DIAPH3: variants seen among roughly 807,000 people sequenced by gnomAD.
The protein encoded by DIAPH3 is protein diaphanous homolog 3.
A neutral mutation model predicts 144.3 loss-of-function variants in DIAPH3; 117 were observed. That is an observed-to-expected ratio of 0.81 (90% confidence interval 0.70 to 0.95). The LOEUF is 0.95. Among genes scored for constraint, DIAPH3 ranks in the 40% least tolerant of loss-of-function variants. The pLI, the probability that DIAPH3 is intolerant of heterozygous loss-of-function variation, is 0.00. For missense variants in DIAPH3, 1,421 were observed against 1,412.7 expected, an observed-to-expected ratio of 1.01 and a Z score of -0.09; for synonymous variants, 519 against 488.9, an observed-to-expected ratio of 1.06 and a Z score of -0.81.
chr13:59,919,056 C>G (rs1267794179), intron 18 of DIAPH3, among the ~76,000 whole-genome samples: 1 of 149,794 alleles, frequency 6.7e-6, no homozygotes, highest in East Asian at 2.0e-4. Context: ...TAGAGAGCAT[C>G]AACTGTACAA....
chr13:59,817,176 AT>A (rs1380978956), intron 24 of DIAPH3, among the ~76,000 whole-genome samples: 4 of 151,828 alleles, frequency 2.6e-5, no homozygotes, highest in Non-Finnish European at 4.4e-5. Context: ...AAAAATGTGT[AT>A]TCTTTAATTA....
At chr13:59,888,087 A>G (rs1012732306) in intron 20 of DIAPH3, among the ~76,000 whole-genome samples, 2 of 152,104 alleles carry the variant, frequency 1.3e-5, no homozygotes, top group African/African-American at 4.8e-5. Flanking sequence ...CCCCACTGCT[A>G]TGTTTGAGTG....
intron 27 of DIAPH3, among the ~76,000 whole-genome samples, chr13:59,754,300 G>A (rs1291245438): frequency 6.6e-6 from 1 of 152,128 alleles, no homozygotes; most frequent in South Asian, 2.1e-4. Context: ...TCAGCTTTAC[G>A]ATTTTGGGCA....
chr13:59,811,354 A>G (rs753851800), intron 24 of DIAPH3, among the ~76,000 whole-genome samples: 7 of 152,212 alleles, frequency 4.6e-5, no homozygotes, highest in African/African-American at 7.2e-5. Flanking sequence ...AAGACATAAT[A>G]AAAGAAGTGA....
Position 59,861,546 on chromosome 13 carries a change from ACAGGAGG to A in DIAPH3, c.2608-17_2608-11del. The A allele has an allele frequency of 6.2e-7, 1 of 1,613,410 alleles. No homozygotes were observed. The highest frequency in any genetic ancestry group is 8.5e-7 in the Non-Finnish European group (1 of 1,179,572). On this transcript the variant is annotated splice_polypyrimidine_tract_variant and intron_variant, in intron 21 of 27. Coordinates refer to ENST00000400324, the MANE Select transcript of DIAPH3 (RefSeq NM_001042517.2). ...ATTTTGTGTCCTTTAGCTAAATAGAACAGGAGGGAGAAAAAACACAGAGTCATAAGTA... is the reference window on the plus strand; with the variant it reads ...ATTTTGTGTCCTTTAGCTAAATAGAAGAGAAAAAACACAGAGTCATAAGTA...
intron 20 of DIAPH3, among the ~76,000 whole-genome samples, chr13:59,893,554 T>C (rs2045928448): frequency 1.3e-5 from 2 of 151,806 alleles, no homozygotes; most frequent in African/African-American, 4.8e-5. Flanking sequence ...CTGAATGCAA[T>C]TCCAGCCAGC....
chr13:60,010,393 A>G, intron 8 of DIAPH3, 140 bp downstream of exon 8: 1 of 837,658 alleles, frequency 1.2e-6, no homozygotes, highest in East Asian at 2.9e-5. Flanking sequence ...CCAATAAGAA[A>G]CTATATTAGC....
At chr13:59,770,750 T>C (rs1040764057) in intron 27 of DIAPH3, among the ~76,000 whole-genome samples, 1 of 152,116 alleles carries the variant, frequency 6.6e-6, no homozygotes, top group Non-Finnish European at 1.5e-5. Context: ...CTTGCCAAAA[T>C]TTTTTGTTGC....
intron 4 of DIAPH3, among the ~76,000 whole-genome samples, chr13:60,087,866 C>T (rs1463043213): frequency 6.6e-6 from 1 of 151,828 alleles, no homozygotes; most frequent in East Asian, 1.9e-4. Context: ...GGCTATCCTT[C>T]GATATCAGCT....
At chr13:59,998,972 A>T (rs1365460222) in intron 9 of DIAPH3, among the ~76,000 whole-genome samples, 1 of 152,122 alleles carries the variant, frequency 6.6e-6, no homozygotes, top group Non-Finnish European at 1.5e-5. Context: ...ATTAATAATT[A>T]TTTGATGGAA....
intron 20 of DIAPH3, among the ~76,000 whole-genome samples, chr13:59,880,131 G>T (rs1297944542): frequency 3.3e-5 from 5 of 152,086 alleles, no homozygotes; most frequent in African/African-American, 1.2e-4. Flanking sequence ...ACCCTGTCTG[G>T]GACTCTAGGT....
chr13:60,104,149 C>T (rs2058346997), intron 3 of DIAPH3, among the ~76,000 whole-genome samples: 2 of 152,092 alleles, frequency 1.3e-5, no homozygotes, highest in African/African-American at 4.8e-5. Flanking sequence ...TTTATTACTA[C>T]TTTTCTATAT....
chr13:60,163,514 G>C (rs137909270), intron 1 of DIAPH3, 73 bp downstream of exon 1: 157 of 1,570,810 alleles, frequency 1.0e-4, no homozygotes, highest in Admixed American at 4.9e-4. Context: ...CCAAGTTCTT[G>C]TGGGCCCACC....
intron 21 of DIAPH3, among the ~76,000 whole-genome samples, chr13:59,875,815 A>G (rs1320472140): frequency 1.3e-5 from 2 of 152,178 alleles, no homozygotes; most frequent in African/African-American, 4.8e-5. Context: ...TCTTTGGGAT[A>G]TAAGAAAGCA....
At chr13:59,810,944 G>C (rs777915294) in intron 24 of DIAPH3, 21 bp from the exon 25 acceptor site, 2 of 1,590,102 alleles carry the variant, frequency 1.3e-6, no homozygotes, top group Admixed American at 3.4e-5. Flanking sequence ...TTTGAAAAAT[G>C]ATCAATTTTA....
intron 4 of DIAPH3, among the ~76,000 whole-genome samples, chr13:60,077,790 T>C (rs2057425597): frequency 6.6e-6 from 1 of 152,124 alleles, no homozygotes; most frequent in African/African-American, 2.4e-5. Flanking sequence ...AAGCACATGA[T>C]GCTGGGTGCA....
intron 27 of DIAPH3, among the ~76,000 whole-genome samples, chr13:59,769,923 A>T (rs145644541): frequency 1.4e-4 from 22 of 152,222 alleles, no homozygotes; most frequent in African/African-American, 4.6e-4. Flanking sequence ...TTAGGTTTGG[A>T]CTGTGTTGAA....
chr13:60,083,150 T>C (rs905957806), intron 4 of DIAPH3, among the ~76,000 whole-genome samples: 13 of 151,994 alleles, frequency 8.6e-5, no homozygotes, highest in African/African-American at 2.9e-4. Flanking sequence ...AGGAGCCAAC[T>C]AGACAAGTCC....
At chr13:59,823,447 T>G (rs532354493) in intron 24 of DIAPH3, among the ~76,000 whole-genome samples, 1 of 152,326 alleles carries the variant, frequency 6.6e-6, no homozygotes, top group South Asian at 2.1e-4. Flanking sequence ...GCTCCAAGTT[T>G]GATCTCAGAA....
Sources: allele counts gnomAD v4.1 joint callset (sites outside exome capture counted in the v4.1 genomes callset), GRCh38; gene constraint gnomAD v4.1.1; transcripts MANE v1.5; gene names NCBI Gene and HGNC (gene_info 2026-07-23, HGNC 2026-07-21).